Variants in CHST11 observed in about 807,000 individuals in gnomAD.
CHST11 encodes C4S-1.
A neutral mutation model predicts 30.4 loss-of-function variants in CHST11; 9 were observed. The ratio of observed to expected loss-of-function variants is 0.30; its 90% CI spans 0.18 to 0.52. The LOEUF is 0.52. CHST11 is among the 20% of genes least tolerant of loss of function. The pLI is 0.97. For missense variants in CHST11, 348 were observed against 460.6 expected (o/e 0.76, Z 2.24); for synonymous variants, 152 against 187.8 (o/e 0.81, Z 1.56).
intron 2 of CHST11, among the ~76,000 whole-genome samples, chr12:104,634,848 C>T (rs2039308094): frequency 6.6e-6 from 1 of 152,210 alleles, no homozygotes; most frequent in Non-Finnish European, 1.5e-5. Flanking sequence ...CAGATCATCA[C>T]TGTCCTCAAC....
chr12:104,582,082 T>G (rs575581613), intron 1 of CHST11, among the ~76,000 whole-genome samples: 1 of 152,362 alleles, frequency 6.6e-6, no homozygotes, highest in African/African-American at 2.4e-5. Context: ...GGTTGTAGGA[T>G]GCATCCTTAT....
chr12:104,543,592 A>G (rs1390141249), intron 1 of CHST11, among the ~76,000 whole-genome samples: 1 of 151,992 alleles, frequency 6.6e-6, no homozygotes, highest in African/African-American at 2.4e-5. Context: ...TCAGAGTCTT[A>G]CAGGAGTCCA....
At chr12:104,529,037 T>G (rs150845303) in intron 1 of CHST11, among the ~76,000 whole-genome samples, 1 of 152,346 alleles carries the variant, frequency 6.6e-6, no homozygotes, top group East Asian at 1.9e-4. Flanking sequence ...GTCCACAGCT[T>G]TCTCATTTTA....
intron 2 of CHST11, among the ~76,000 whole-genome samples, chr12:104,698,435 G>A (rs312141): frequency 0.72 from 109,421 of 152,096 alleles, 40,118 homozygotes; most frequent in African/African-American, 0.87. Flanking sequence ...TCGGGCTCCA[G>A]TGCAGGACTA....
chr12:104,484,394 A>C (rs954092300), intron 1 of CHST11, among the ~76,000 whole-genome samples: 9 of 152,166 alleles, frequency 5.9e-5, no homozygotes, highest in African/African-American at 2.2e-4. Flanking sequence ...ACAACCACAG[A>C]ATCTTTTTTG....
intron 2 of CHST11, among the ~76,000 whole-genome samples, chr12:104,661,946 AAAG>A (rs1240237183): frequency 3.3e-5 from 5 of 152,226 alleles, no homozygotes; most frequent in East Asian, 3.8e-4. Context: ...ATCTTGGCAA[AAAG>A]AAGATGTTAC....
intron 1 of CHST11, among the ~76,000 whole-genome samples, chr12:104,535,123 G>T (rs2038224852): frequency 6.6e-6 from 1 of 152,222 alleles, no homozygotes; most frequent in African/African-American, 2.4e-5. Context: ...AATCTGAAAA[G>T]ATTGTACTTA....
chr12:104,659,154 C>G (rs888913748), intron 2 of CHST11, among the ~76,000 whole-genome samples: 2 of 152,198 alleles, frequency 1.3e-5, no homozygotes, highest in Non-Finnish European at 2.9e-5. Context: ...TGCTCAAGAA[C>G]TGGGATGATG....
chr12:104,654,450 C>T (rs910554602), intron 2 of CHST11, among the ~76,000 whole-genome samples: 8 of 152,094 alleles, frequency 5.3e-5, no homozygotes, highest in East Asian at 1.9e-4. Flanking sequence ...TGACCAAGGA[C>T]GTGGAAACAT....
chr12:104,524,392 C>T (rs2038103834), intron 1 of CHST11, among the ~76,000 whole-genome samples: 1 of 152,146 alleles, frequency 6.6e-6, no homozygotes, highest in Admixed American at 6.5e-5. Context: ...GCAGCTAGTT[C>T]ATTCATTTGT....
At chr12:104,534,828 A>C (rs2038221236) in intron 1 of CHST11, among the ~76,000 whole-genome samples, 1 of 152,198 alleles carries the variant, frequency 6.6e-6, no homozygotes, top group Admixed American at 6.5e-5. Flanking sequence ...TAAGCACCAG[A>C]ATGTAAGGGC....
intron 1 of CHST11, among the ~76,000 whole-genome samples, chr12:104,560,645 A>G (rs1198588269): frequency 2.0e-5 from 3 of 152,158 alleles, no homozygotes; most frequent in Non-Finnish European, 4.4e-5. Context: ...CAGTTCCTCC[A>G]CTTATGGAGT....
chr12:104,571,125 A>G (rs991454425), intron 1 of CHST11, among the ~76,000 whole-genome samples: 4 of 151,754 alleles, frequency 2.6e-5, no homozygotes, highest in Non-Finnish European at 5.9e-5. Context: ...CATAGCTAGC[A>G]GGTGGTGGAC....
chr12:104,555,084 G>A (rs1356690715), intron 1 of CHST11, among the ~76,000 whole-genome samples: 6 of 152,228 alleles, frequency 3.9e-5, no homozygotes, highest in Non-Finnish European at 2.9e-5. Flanking sequence ...GTGTTAACGT[G>A]GGGCTTTATT....
chr12:104,736,802 C>A (rs1000044964), intron 2 of CHST11, among the ~76,000 whole-genome samples: 3 of 152,118 alleles, frequency 2.0e-5, no homozygotes, highest in African/African-American at 7.2e-5. Flanking sequence ...CCTTTCAGTC[C>A]CCCACACAGC....
chr12:104,621,320 C>A (rs1174449524), intron 2 of CHST11, among the ~76,000 whole-genome samples: 3 of 152,228 alleles, frequency 2.0e-5, no homozygotes, highest in Non-Finnish European at 2.9e-5. Context: ...CTGCAGACAT[C>A]CTGTCTTTCT....
At chr12:104,584,663 G>A (rs1055655950) in intron 1 of CHST11, among the ~76,000 whole-genome samples, 1 of 76,212 alleles carries the variant, frequency 1.3e-5, no homozygotes, top group African/African-American at 5.9e-5. Flanking sequence ...TTAAAGCAGC[G>A]GTTTAAGTGG....
At chr12:104,550,216 T>G (rs2038392583) in intron 1 of CHST11, among the ~76,000 whole-genome samples, 1 of 152,182 alleles carries the variant, frequency 6.6e-6, no homozygotes, top group Admixed American at 6.5e-5. Context: ...CTTGGTTCTT[T>G]GTTGTCTGAT....
intron 1 of CHST11, among the ~76,000 whole-genome samples, chr12:104,507,316 C>G (rs1364690403): frequency 6.6e-6 from 1 of 152,218 alleles, no homozygotes; most frequent in Non-Finnish European, 1.5e-5. Context: ...AGTGGCCCCA[C>G]CTGGGAGCCA....
Sources: gnomAD v4.1 joint callset for allele counts (sites outside exome capture counted in the v4.1 genomes callset) on GRCh38, gnomAD v4.1.1 for gene constraint, MANE v1.5 for transcripts, NCBI Gene and HGNC (gene_info 2026-07-23, HGNC 2026-07-21) for gene names.